CSMD1: variants seen among roughly 807,000 people sequenced by gnomAD.
The protein encoded by CSMD1 is CUB and sushi domain-containing protein 1.
In CSMD1, 213 loss-of-function variants were observed where a neutral mutation model predicts 417.5. That is an observed-to-expected ratio of 0.51 (90% CI 0.46 to 0.57). CSMD1 has a LOEUF of 0.57. Among genes scored for constraint, CSMD1 ranks in the 20% least tolerant of loss-of-function variants. CSMD1 has a pLI of 0.00. For missense variants in CSMD1, 6,923 were observed against 4,529.7 expected, an observed-to-expected ratio of 1.53 and a Z score of -15.17; for synonymous variants, 2,862 against 1,736.8, an observed-to-expected ratio of 1.65 and a Z score of -16.11.
At chr8:4,315,868 T>C (rs1394385060) in intron 3 of CSMD1, among the ~76,000 whole-genome samples, 1 of 152,190 alleles carries the variant, frequency 6.6e-6, no homozygotes, top group Non-Finnish European at 1.5e-5. Context: ...TCAGTCTTCT[T>C]AGTAAAATTT....
intron 5 of CSMD1, among the ~76,000 whole-genome samples, chr8:3,782,949 C>G (rs1487430170): frequency 6.6e-6 from 1 of 152,184 alleles, no homozygotes; most frequent in African/African-American, 2.4e-5. Context: ...GATCTAGCCT[C>G]TAAACCAAAT....
intron 5 of CSMD1, among the ~76,000 whole-genome samples, chr8:3,919,138 G>C (rs548261662): frequency 1.5e-5 from 2 of 131,912 alleles, no homozygotes; most frequent in East Asian, 2.3e-4. Context: ...GTTTGACGTA[G>C]TCCCACTTCT....
chr8:3,536,451 G>C (rs1271115933), intron 10 of CSMD1, among the ~76,000 whole-genome samples: 1 of 152,224 alleles, frequency 6.6e-6, no homozygotes, highest in African/African-American at 2.4e-5. Flanking sequence ...CCAATGGGCT[G>C]AGTGAAGTTG....
Position 4,946,373 on chromosome 8 carries a change from C to G in CSMD1, c.85+47959G>C, listed in dbSNP as rs539804716. ...GCTTTAGTCACCATTGAGAAATGCCCCCACCTAGTGATGAAGGAACTAGGT... is the reference window on the plus strand; with the variant it reads ...GCTTTAGTCACCATTGAGAAATGCCGCCACCTAGTGATGAAGGAACTAGGT... On this transcript the variant is annotated intron_variant, in intron 1 of 69. Coordinates refer to ENST00000635120, the MANE Select transcript of CSMD1 (RefSeq NM_033225.6). 1.2e-3 allele frequency among the ~76,000 whole-genome samples: 185 copies of G among 152,182 alleles called. 3 individuals carry two copies. The highest frequency in any genetic ancestry group is 4.9e-4 in the Non-Finnish European group (33 of 68,004).
At chr8:4,585,427 C>A (rs549973198) in intron 2 of CSMD1, among the ~76,000 whole-genome samples, 1 of 152,046 alleles carries the variant, frequency 6.6e-6, no homozygotes, top group East Asian at 1.9e-4. Flanking sequence ...ATGACTGTCA[C>A]AAAACGTGGA....
chr8:3,450,787 GTC>G (rs1437080144), intron 12 of CSMD1, among the ~76,000 whole-genome samples: 2 of 151,492 alleles, frequency 1.3e-5, no homozygotes, highest in Non-Finnish European at 2.9e-5. Flanking sequence ...GTGTGCATGT[GTC>G]TTTATAGCAG....
intron 1 of CSMD1, among the ~76,000 whole-genome samples, chr8:4,666,947 A>T (rs1476588868): frequency 2.6e-5 from 4 of 152,176 alleles, no homozygotes; most frequent in African/African-American, 9.7e-5. Flanking sequence ...TTTGTGAAGC[A>T]TTTATAAAAT....
chr8:4,724,784 A>C (rs972020535), intron 1 of CSMD1, among the ~76,000 whole-genome samples: 32 of 152,146 alleles, frequency 2.1e-4, no homozygotes, highest in African/African-American at 7.7e-4. Flanking sequence ...TATACAGCAT[A>C]GCCTTGTAGT....
Position 4,472,440 on chromosome 8 carries a change from C to T in CSMD1, c.303-52375G>A, listed in dbSNP as rs187058411. On this transcript the variant is annotated intron_variant, in intron 2 of 69. Coordinates refer to ENST00000635120, the MANE Select transcript of CSMD1 (RefSeq NM_033225.6). ...TTTAAAGGTATATGTCATTTATAGA[C>T]ATATATTTAAGGTAATAACAGATGA... Among the ~76,000 whole-genome samples the T allele has an allele frequency of 3.8e-4, 58 of 152,070 alleles. No homozygotes were observed. The East Asian group carries it at 8.9e-3, about 23-fold the overall frequency.
intron 1 of CSMD1, among the ~76,000 whole-genome samples, chr8:4,990,770 G>A (rs187919320): frequency 6.6e-6 from 1 of 152,066 alleles, no homozygotes; most frequent in East Asian, 1.9e-4. Flanking sequence ...CTGCCATAAA[G>A]GAGTCTGACC....
intron 5 of CSMD1, among the ~76,000 whole-genome samples, chr8:3,882,198 AAGAG>A (rs900043736): frequency 2.6e-5 from 4 of 152,148 alleles, no homozygotes; most frequent in Non-Finnish European, 5.9e-5. Flanking sequence ...ATCAACAAGA[AAGAG>A]AGAGACAACC....
At chr8:3,314,912 A>C (rs977723330) in intron 23 of CSMD1, among the ~76,000 whole-genome samples, 4 of 152,226 alleles carry the variant, frequency 2.6e-5, no homozygotes, top group Non-Finnish European at 5.9e-5. Context: ...CAGTAATGTG[A>C]GTTTTTTCAG....
intron 4 of CSMD1, among the ~76,000 whole-genome samples, chr8:4,011,702 A>T (rs1279729847): frequency 6.6e-6 from 1 of 152,184 alleles, no homozygotes; most frequent in Non-Finnish European, 1.5e-5. Flanking sequence ...AAGTCACAAG[A>T]ACTTGCAAAA....
intron 2 of CSMD1, among the ~76,000 whole-genome samples, chr8:4,531,169 C>T (rs1382982584): frequency 1.3e-5 from 2 of 152,094 alleles, no homozygotes; most frequent in East Asian, 1.9e-4. Context: ...GGATCTGTCA[C>T]CAAATGTATA....
intron 3 of CSMD1, among the ~76,000 whole-genome samples, chr8:4,294,218 G>A (rs1462068732): frequency 6.6e-6 from 1 of 152,186 alleles, no homozygotes; most frequent in Non-Finnish European, 1.5e-5. Flanking sequence ...AAATGCGGGA[G>A]AAACTGAACA....
At chr8:3,089,087 C>G (rs570875652) in intron 48 of CSMD1, among the ~76,000 whole-genome samples, 1 of 152,240 alleles carries the variant, frequency 6.6e-6, no homozygotes, top group East Asian at 1.9e-4. Flanking sequence ...CAGGGGAAAC[C>G]ATAGCACAGA....
At chr8:4,170,216 G>C (rs969054179) in intron 3 of CSMD1, among the ~76,000 whole-genome samples, 1 of 151,750 alleles carries the variant, frequency 6.6e-6, no homozygotes, top group Non-Finnish European at 1.5e-5. Flanking sequence ...AGAACTAGCT[G>C]TTATCTCTTC....
At chr8:3,388,223 CA>C (rs1391002112) in intron 17 of CSMD1, among the ~76,000 whole-genome samples, 7 of 152,154 alleles carry the variant, frequency 4.6e-5, no homozygotes, top group African/African-American at 1.7e-4. Flanking sequence ...ATGCTATTTT[CA>C]AATTTTAGTT....
At chr8:3,501,530 A>T (rs574641868) in intron 10 of CSMD1, among the ~76,000 whole-genome samples, 21 of 152,354 alleles carry the variant, frequency 1.4e-4, no homozygotes, top group African/African-American at 5.0e-4. Context: ...GATAATTTAT[A>T]AATGCTTTAA....
Sources: gnomAD v4.1 joint callset for allele counts (sites outside exome capture counted in the v4.1 genomes callset) on GRCh38, gnomAD v4.1.1 for gene constraint, MANE v1.5 for transcripts, NCBI Gene and HGNC (gene_info 2026-07-23, HGNC 2026-07-21) for gene names.